The following FANCA variants were observed in gnomAD, a reference collection of about 807,000 sequenced individuals.
The protein encoded by FANCA is Fanconi anemia group A protein.
In FANCA, 236 loss-of-function variants were observed where a neutral mutation model predicts 194.3. That is an observed-to-expected ratio of 1.21 (90% CI 1.09 to 1.35). The LOEUF (loss-of-function observed/expected upper bound fraction) is 1.35. Ranked by LOEUF, FANCA falls within the 40% of genes most tolerant of loss-of-function variation. FANCA has a pLI of 0.00. For missense variants in FANCA, 2,628 were observed against 1,813.9 expected (o/e 1.45, Z -8.15); for synonymous variants, 1,014 against 715.8 (o/e 1.42, Z -6.65).
Position 89,738,789 on chromosome 16 carries a change from C to T in FANCA, c.4261-81G>A, listed in dbSNP as rs750141209. 11 of 1,612,962 alleles carry T rather than the reference C, an allele frequency of 6.8e-6. No homozygotes were observed. The East Asian group carries it at 1.1e-4, about 16-fold the overall frequency. On this transcript the variant is annotated intron_variant, in intron 42 of 42. Transcript: ENST00000389301. The stretch of plus-strand genomic sequence containing the variant: ...GGGGAGGGGCTCTGGCAGAAATAGT[C>T]GAGTTGTATTGCCAGCCAGGCAGGC...
chr16:89,740,015 G>A lies in FANCA; in HGVS notation c.3913C>T (p.Leu1305Phe), dbSNP rs753700179. 6 of 1,614,074 alleles carry A rather than the reference G, an allele frequency of 3.7e-6. No individual in the cohort carries two copies. The highest frequency in any genetic ancestry group is 1.7e-5 in the Admixed American group (1 of 60,000). Reference protein sequence around the residue: ...LEKRKISWLALFQLTESDLRL... With the variant: ...LEKRKISWLAFFQLTESDLRL... Reference sequence around the variant, plus strand: ...TTACCACTCTCTGTCAACTGAAAGAGTGCCAGCCAGGATATCTTCCTCTTC... The same window carrying A: ...TTACCACTCTCTGTCAACTGAAAGAATGCCAGCCAGGATATCTTCCTCTTC... Residue 1305 changes from leucine to phenylalanine, a missense_variant, in exon 39 of 43, where the codon CTC (leucine) becomes TTC (phenylalanine). By Grantham distance (22) the Leu-to-Phe change is conservative (BLOSUM62 0). Transcript: ENST00000389301.
intron 14 of FANCA, chr16:89,791,158 C>A (rs1215423236): frequency 1.8e-6 from 1 of 565,748 alleles, no homozygotes; most frequent in Admixed American, 3.1e-5. Context: ...GGGGAAGGAG[C>A]TGAGGCCCCG....
intron 14 of FANCA, among the ~76,000 whole-genome samples, chr16:89,787,350 T>G (rs951736150): frequency 6.6e-6 from 1 of 152,038 alleles, no homozygotes; most frequent in African/African-American, 2.4e-5. Context: ...GGTGAAACCC[T>G]GTCTCTACTA....
chr16:89,779,013 A>C lies in FANCA; in HGVS notation c.1716-10T>G, dbSNP rs1270971513. On this transcript the variant is annotated splice_polypyrimidine_tract_variant and intron_variant, in intron 18 of 42. Coordinates refer to ENST00000389301, the MANE Select transcript of FANCA (RefSeq NM_000135.4). ...AGGCCTCCTGAATATGCTGCAACAC[A>C]GAGAAGCAGACAGTGCATCAGTCAG... The C allele has an allele frequency of 3.7e-6, 6 of 1,612,726 alleles. No individual in the cohort carries two copies. Among genetic ancestry groups the C allele is most frequent in the Non-Finnish European group, 5.1e-6 (6 of 1,179,872 alleles).
At chr16:89,740,489 G>A (rs2151715812) in intron 38 of FANCA, 1 of 468,608 alleles carries the variant, frequency 2.1e-6, no homozygotes, top group South Asian at 2.4e-5. Context: ...ACAAAAATTA[G>A]CCGGGTGTGA....
chr16:89,775,837 C>A, intron 20 of FANCA, 22 bp from the exon 21 acceptor site: 2 of 1,548,416 alleles, frequency 1.3e-6, no homozygotes, highest in Non-Finnish European at 8.9e-7. Context: ...GAAAACAATA[C>A]AATTAAGTCA....
At chr16:89,740,654 A>AAAAAC (rs2062107938) in intron 38 of FANCA, 150 bp downstream of exon 38, 5 of 650,290 alleles carry the variant, frequency 7.7e-6, no homozygotes, top group East Asian at 2.8e-5. Flanking sequence ...AAAAAAAAAA[A>AAAAAC]CCCACGGCCT....
In FANCA at chr16:89,773,855, C is replaced by G. The variant is rs371131708; in HGVS notation, c.1901-471G>C. On this transcript the variant is annotated intron_variant, in intron 21 of 42. Transcript: ENST00000389301. ...TGGTGCGATCTCGGCTCACTGTAAC[C>G]TCCGCCTCCCGGGTTCAAATCATCC... 1.1e-4 allele frequency among the ~76,000 whole-genome samples: 16 copies of G among 151,526 alleles called. No individual in the cohort carries two copies. The South Asian group carries it at 1.3e-3, about 12-fold the overall frequency.
intron 32 of FANCA, 135 bp from the exon 33 acceptor site, chr16:89,748,902 T>C (rs2038484083): frequency 5.4e-6 from 4 of 738,124 alleles, no homozygotes; most frequent in Non-Finnish European, 9.5e-6. Context: ...TTGGCCTGTG[T>C]CCCTCTGTCC....
At chr16:89,796,047 G>T in intron 10 of FANCA, 29 bp from the exon 11 acceptor site, 2 of 1,559,812 alleles carry the variant, frequency 1.3e-6, no homozygotes, top group African/African-American at 1.4e-5. Flanking sequence ...GAGGGGTCAG[G>T]AAAGGGAGGG....
chr16:89,796,368 C>T (rs1010252357), intron 10 of FANCA, among the ~76,000 whole-genome samples: 5 of 152,154 alleles, frequency 3.3e-5, no homozygotes, highest in African/African-American at 7.2e-5. Context: ...GCCAACCCGA[C>T]GGGGCCTCAG....
intron 10 of FANCA, 98 bp downstream of exon 10, chr16:89,799,068 G>A (rs1425834214): frequency 1.2e-6 from 2 of 1,614,216 alleles, no homozygotes; most frequent in Admixed American, 3.3e-5. Flanking sequence ...TCAGGAGCGG[G>A]CTGCTGAAGC....
At position 89,751,171 on chromosome 16, in the gene FANCA, G is replaced by C. The variant is rs535248065; in HGVS notation, c.3066+967C>G. Among the ~76,000 whole-genome samples, 80 of 152,240 alleles carry C rather than the reference G, an allele frequency of 5.3e-4. 2 individuals carry two copies. In the South Asian group the frequency reaches 0.016, roughly 31 times the overall value. Reference sequence around the variant, plus strand: ...GCCTCCCAAAGTGCTGGGATTACAGGCATAAGCCACCGTGCCTGGCCGGCT... The same window carrying C: ...GCCTCCCAAAGTGCTGGGATTACAGCCATAAGCCACCGTGCCTGGCCGGCT... On this transcript the variant is annotated intron_variant, in intron 31 of 42. Coordinates refer to ENST00000389301, the MANE Select transcript of FANCA (RefSeq NM_000135.4).
At position 89,737,758 on chromosome 16, in the gene FANCA, G is replaced by C. The variant is rs201316239; in HGVS notation, c.*843C>G. 1.9e-6 allele frequency: 3 copies of C among 1,610,858 alleles called. No individual in the cohort carries two copies. The highest frequency in any genetic ancestry group is 2.7e-5 in the African/African-American group (2 of 74,982). ...CACATTGTCATCGTCGTCCCCCCGG[G>C]AGGTTGGAGCATCAGGGGCCTGGAC... On this transcript the variant is annotated 3_prime_UTR_variant, in exon 43 of 43. Coordinates refer to ENST00000389301, the MANE Select transcript of FANCA (RefSeq NM_000135.4).
At chr16:89,749,660 C>G in intron 32 of FANCA, 70 bp downstream of exon 32, 1 of 1,549,710 alleles carries the variant, frequency 6.5e-7, no homozygotes, top group Non-Finnish European at 8.8e-7. Context: ...TACAAAGAAC[C>G]TCTAGGACCG....
At chr16:89,747,341 T>A (rs2038425899) in intron 33 of FANCA, among the ~76,000 whole-genome samples, 1 of 152,186 alleles carries the variant, frequency 6.6e-6, no homozygotes, top group African/African-American at 2.4e-5. Flanking sequence ...TCATAAGAAT[T>A]CAAAGGAGAC....
intron 12 of FANCA, 36 bp downstream of exon 12, chr16:89,792,435 G>T: frequency 6.3e-7 from 1 of 1,597,158 alleles, no homozygotes; most frequent in South Asian, 1.1e-5. Flanking sequence ...CCCCCGCCAC[G>T]AGCTCAGAAG....
chr16:89,748,140 G>C (rs1265627848), intron 33 of FANCA, among the ~76,000 whole-genome samples: 1 of 152,174 alleles, frequency 6.6e-6, no homozygotes, highest in Non-Finnish European at 1.5e-5. Context: ...TCGAACTCCT[G>C]GGCTCAAGTG....
intron 8 of FANCA, among the ~76,000 whole-genome samples, chr16:89,801,231 C>G (rs1199846526): frequency 6.7e-6 from 1 of 150,068 alleles, no homozygotes; most frequent in Admixed American, 6.7e-5. Context: ...GTAGTCCCAG[C>G]TATTCAGGAG....
Sources: gnomAD v4.1 joint callset for allele counts (sites outside exome capture counted in the v4.1 genomes callset) on GRCh38, gnomAD v4.1.1 for gene constraint, MANE v1.5 for transcripts, NCBI Gene and HGNC (gene_info 2026-07-23, HGNC 2026-07-21) for gene names.